Variants in NRXN3 observed in about 807,000 individuals in gnomAD.
NRXN3 encodes neurexin 3.
In NRXN3, 32 loss-of-function variants were observed where a neutral mutation model predicts 137.6. That is an observed-to-expected ratio of 0.23 (90% CI 0.18 to 0.31). The LOEUF (loss-of-function observed/expected upper bound fraction) is 0.31, where lower values mean the gene tolerates loss of function less well. Ranked by LOEUF, NRXN3 falls within the 10% of genes least tolerant of loss-of-function variation. The probability of loss-of-function intolerance (pLI) is 1.00; values close to 1 mark genes in which losing one functional copy is unlikely to be tolerated. For synonymous variants in NRXN3, 798 were observed against 784.5 expected, an observed-to-expected ratio of 1.02 and a Z score of -0.29; for missense variants, 1,574 against 2,062.5, an observed-to-expected ratio of 0.76 and a Z score of 4.59.
intron 16 of NRXN3, among the ~76,000 whole-genome samples, chr14:79,657,307 A>G (rs1295257516): frequency 6.6e-6 from 1 of 152,120 alleles, no homozygotes; most frequent in Non-Finnish European, 1.5e-5. Flanking sequence ...ATTCTTCTAG[A>G]ACACAAAGTA....
chr14:78,291,591 G>A (rs1398381002), intron 3 of NRXN3, among the ~76,000 whole-genome samples: 2 of 152,076 alleles, frequency 1.3e-5, no homozygotes, highest in East Asian at 3.9e-4. Flanking sequence ...TCACCCTACA[G>A]ACACTTTTGG....
At chr14:79,174,553 A>T (rs542356732) in intron 15 of NRXN3, among the ~76,000 whole-genome samples, 4 of 149,632 alleles carry the variant, frequency 2.7e-5, no homozygotes, top group African/African-American at 7.3e-5. Flanking sequence ...CAGAAATCCT[A>T]ATTATGAGAC....
intron 6 of NRXN3, among the ~76,000 whole-genome samples, chr14:78,704,193 G>A (rs1452299148): frequency 6.6e-6 from 1 of 152,202 alleles, no homozygotes; most frequent in Non-Finnish European, 1.5e-5. Context: ...GAAGTAATAA[G>A]TGCATCATGT....
At chr14:78,595,835 T>G (rs1465206420) in intron 4 of NRXN3, among the ~76,000 whole-genome samples, 4 of 151,794 alleles carry the variant, frequency 2.6e-5, no homozygotes, top group African/African-American at 9.7e-5. Flanking sequence ...ATCAAACTAT[T>G]CCTGGGAAAG....
At position 78,243,363 on chromosome 14, in the gene NRXN3, C is replaced by T; in HGVS notation, c.270C>T (p.Ser90=). The change falls in exon 2 of 21, where the codon AGC becomes AGT. Residue 90 remains serine, a synonymous_variant. Coordinates refer to ENST00000335750, the MANE Select transcript of NRXN3 (RefSeq NM_001330195.2). The surrounding 1 kb of genome is among the most constrained non-coding windows in gnomAD (Gnocchi z 4.2). ...LVDGRVQLRF[S]MDCAETAVLS... ...ATGGCCGCGTTCAGCTCCGCTTCAG[C>T]ATGGACTGTGCCGAGACTGCCGTGC... is the stretch of plus-strand genomic sequence containing the variant. 6.4e-7 allele frequency: 1 copy of T among 1,563,582 alleles called. No homozygotes were observed. The highest frequency in any genetic ancestry group is 8.6e-7 in the Non-Finnish European group (1 of 1,162,132).
At chr14:79,555,316 A>G (rs2097418521) in intron 16 of NRXN3, among the ~76,000 whole-genome samples, 1 of 152,194 alleles carries the variant, frequency 6.6e-6, no homozygotes, top group Admixed American at 6.5e-5. Context: ...TTTATTGAAC[A>G]GGCACAGTGT....
intron 15 of NRXN3, chr14:79,313,999 G>T (rs1285662504): frequency 1.3e-5 from 2 of 151,224 alleles, no homozygotes; most frequent in African/African-American, 4.9e-5. Context: ...TCCTTTGGAG[G>T]AGGAGAGGCG....
intron 15 of NRXN3, among the ~76,000 whole-genome samples, chr14:79,432,482 C>T (rs2095777763): frequency 1.3e-5 from 2 of 152,104 alleles, no homozygotes; most frequent in Non-Finnish European, 2.9e-5. Flanking sequence ...TTCCCATCTT[C>T]TGTTGGTATT....
intron 15 of NRXN3, among the ~76,000 whole-genome samples, chr14:79,047,039 C>A (rs1015201701): frequency 2.0e-5 from 3 of 151,392 alleles, no homozygotes; most frequent in African/African-American, 7.3e-5. Flanking sequence ...TTGTAAAACA[C>A]TTAGGAGAGT....
At chr14:78,861,747 A>G (rs919734273) in intron 10 of NRXN3, among the ~76,000 whole-genome samples, 2 of 152,102 alleles carry the variant, frequency 1.3e-5, no homozygotes, top group Admixed American at 6.6e-5. Context: ...TATTAATTCA[A>G]TACTGTTTTA....
intron 4 of NRXN3, among the ~76,000 whole-genome samples, chr14:78,428,899 A>C (rs8020682): frequency 1 from 151,856 of 152,256 alleles, 75,729 homozygotes; most frequent in Non-Finnish European, 1. Context: ...AAAACGCCCT[A>C]ACAGAAACAA....
chr14:78,187,079 G>A (rs2060290394), intron 1 of NRXN3, among the ~76,000 whole-genome samples: 1 of 152,158 alleles, frequency 6.6e-6, no homozygotes, highest in Non-Finnish European at 1.5e-5. Flanking sequence ...GCTACTTTGT[G>A]CATGGATTGT....
chr14:79,794,420 C>T (rs1009134123), intron 19 of NRXN3, among the ~76,000 whole-genome samples: 1 of 151,868 alleles, frequency 6.6e-6, no homozygotes, highest in African/African-American at 2.4e-5. Flanking sequence ...AAGAGGTCTC[C>T]GGGTTGCCCT....
chr14:79,816,882 G>C (rs780724194), intron 20 of NRXN3, among the ~76,000 whole-genome samples: 22 of 152,244 alleles, frequency 1.4e-4, no homozygotes, highest in Admixed American at 5.9e-4. Context: ...TTAAAAAGAT[G>C]ATTTTATTGT....
chr14:78,191,755 A>G (rs1250448096), intron 1 of NRXN3, among the ~76,000 whole-genome samples: 1 of 152,206 alleles, frequency 6.6e-6, no homozygotes, highest in African/African-American at 2.4e-5. Context: ...TGGGGGAACC[A>G]AGCAGACCCC....
chr14:79,335,306 AT>A (rs1256680371), intron 15 of NRXN3, among the ~76,000 whole-genome samples: 2 of 151,950 alleles, frequency 1.3e-5, no homozygotes, highest in Non-Finnish European at 2.9e-5. Context: ...CTGGGAGACT[AT>A]TTTACTTTGC....
chr14:78,413,131 G>A (rs2092928783), intron 4 of NRXN3, among the ~76,000 whole-genome samples: 1 of 152,096 alleles, frequency 6.6e-6, no homozygotes, highest in Non-Finnish European at 1.5e-5. Flanking sequence ...GTTCTTTTGG[G>A]GAAAAGCTAC....
chr14:78,366,710 A>G (rs2086005054), intron 4 of NRXN3, among the ~76,000 whole-genome samples: 1 of 152,208 alleles, frequency 6.6e-6, no homozygotes, highest in Admixed American at 6.5e-5. Context: ...TCTTAAAACT[A>G]ATAGATCTTG....
intron 15 of NRXN3, among the ~76,000 whole-genome samples, chr14:78,997,609 T>A (rs1281951013): frequency 6.6e-6 from 1 of 152,234 alleles, no homozygotes; most frequent in Non-Finnish European, 1.5e-5. Flanking sequence ...TTTGTTCTTT[T>A]CATTTATTTT....
Sources: allele counts gnomAD v4.1 joint callset (sites outside exome capture counted in the v4.1 genomes callset), GRCh38; gene constraint gnomAD v4.1.1; non-coding constraint Gnocchi (gnomAD v3.1); transcripts MANE v1.5; gene names NCBI Gene and HGNC (gene_info 2026-07-23, HGNC 2026-07-21).